MPDZ: variants seen among roughly 807,000 people sequenced by gnomAD.
The protein encoded by MPDZ is multiple PDZ domain crumbs cell polarity complex component.
In MPDZ, 234 loss-of-function variants were observed where a neutral mutation model predicts 239.1. The observed-to-expected ratio is 0.98, with a 90% CI of 0.88 to 1.09. MPDZ has a LOEUF of 1.09. Among genes scored for constraint, MPDZ ranks in the 50% least tolerant of loss-of-function variants. The pLI is 0.00. For synonymous variants in MPDZ, 1,048 were observed against 881.3 expected, an observed-to-expected ratio of 1.19 and a Z score of -3.35; for missense variants, 3,175 against 2,510.0, an observed-to-expected ratio of 1.26 and a Z score of -5.66.
intron 1 of MPDZ, among the ~76,000 whole-genome samples, chr9:13,275,490 A>C (rs939322935): frequency 2.0e-5 from 3 of 152,122 alleles, no homozygotes; most frequent in Non-Finnish European, 4.4e-5. Context: ...TCAGCCACCC[A>C]CTCTGTGTTA....
intron 3 of MPDZ, among the ~76,000 whole-genome samples, chr9:13,236,484 T>C (rs1482322738): frequency 6.6e-6 from 1 of 150,646 alleles, no homozygotes; most frequent in East Asian, 2.0e-4. Context: ...TTTCTCCATG[T>C]TGGTCAGGCT....
intron 1 of MPDZ, among the ~76,000 whole-genome samples, chr9:13,257,951 T>C (rs572722288): frequency 2.6e-5 from 4 of 152,290 alleles, no homozygotes; most frequent in African/African-American, 9.6e-5. Flanking sequence ...AATAACAACA[T>C]ATAAAATCAT....
chr9:13,278,664 G>A (rs1974809245), intron 1 of MPDZ, among the ~76,000 whole-genome samples: 1 of 152,126 alleles, frequency 6.6e-6, no homozygotes, highest in Non-Finnish European at 1.5e-5. Context: ...GGGGTGAGGA[G>A]ACTAAGGGAG....
intron 1 of MPDZ, among the ~76,000 whole-genome samples, chr9:13,263,224 G>A (rs1971077349): frequency 6.6e-6 from 1 of 152,070 alleles, no homozygotes; most frequent in South Asian, 2.1e-4. Context: ...AAAACAGAAT[G>A]ATGGATATAT....
intron 1 of MPDZ, among the ~76,000 whole-genome samples, chr9:13,278,876 C>T (rs769827891): frequency 6.6e-6 from 1 of 152,006 alleles, no homozygotes; most frequent in Non-Finnish European, 1.5e-5. Context: ...GCGGATGGGG[C>T]GTCCGGGAGC....
intron 1 of MPDZ, among the ~76,000 whole-genome samples, chr9:13,261,628 G>A (rs1476362313): frequency 6.6e-6 from 1 of 151,996 alleles, no homozygotes; most frequent in East Asian, 1.9e-4. Flanking sequence ...CAAAGGGCAG[G>A]GAAGCTCCTA....
rs545133120 is a variant in MPDZ at position 13,224,507 on chromosome 9, G to C, written c.260C>G (p.Thr87Ser). ...VPHLSPAVIP[T>S]LQNESFLLSP... ...TAATAAAAACGATTCATTTTGCAGA[G>C]TAGGAATCACAGCTGGGCTGAGATG... Residue 87 changes from threonine (T) to serine (S), a missense_variant, in exon 4 of 47, where the codon ACT becomes AGT. Transcript: ENST00000319217. 2.5e-6 allele frequency: 4 copies of C among 1,612,812 alleles called. No homozygotes were observed. The Admixed American group carries it at 5.0e-5, about 20-fold the overall frequency.
At chr9:13,157,370 C>T (rs1000416680) in intron 24 of MPDZ, among the ~76,000 whole-genome samples, 2 of 152,148 alleles carry the variant, frequency 1.3e-5, no homozygotes, top group African/African-American at 4.8e-5. Context: ...GGATTTGCAT[C>T]TTCTATTTAT....
intron 29 of MPDZ, among the ~76,000 whole-genome samples, 181 bp downstream of exon 29, chr9:13,137,776 G>C (rs1947043141): frequency 6.6e-6 from 1 of 152,166 alleles, no homozygotes; most frequent in Non-Finnish European, 1.5e-5. Context: ...AAGTTAATGG[G>C]AACATGGACT....
chr9:13,274,543 C>G (rs544485791), intron 1 of MPDZ: 1 of 151,414 alleles, frequency 6.6e-6, no homozygotes, highest in African/African-American at 2.4e-5. Context: ...TTATTTTTAA[C>G]TTAGCTGGCC....
intron 26 of MPDZ, among the ~76,000 whole-genome samples, chr9:13,145,479 G>A (rs1271538591): frequency 6.6e-6 from 1 of 151,928 alleles, no homozygotes; most frequent in Non-Finnish European, 1.5e-5. Context: ...AGATTTCCTA[G>A]GAGCTTTATC....
chr9:13,219,446 T>A, intron 8 of MPDZ, 113 bp downstream of exon 8: 5 of 891,756 alleles, frequency 5.6e-6, no homozygotes, highest in Non-Finnish European at 8.5e-6. Context: ...TTTCATTCCA[T>A]TCTTTAGCAC....
At chr9:13,235,648 T>C (rs1343410810) in intron 3 of MPDZ, among the ~76,000 whole-genome samples, 1 of 152,200 alleles carries the variant, frequency 6.6e-6, no homozygotes, top group East Asian at 1.9e-4. Context: ...TGCTGATAAA[T>C]TTAAAAGATA....
rs773128218 is a variant in MPDZ, at chr9:13,188,963, T to A, written c.2185A>T (p.Ile729Leu). Reference sequence around the variant, plus strand: ...CCGCCAGGCACCAAAGAACGAATTATAATCACAGTGCTTGCTGGATCAATT... The same window carrying A: ...CCGCCAGGCACCAAAGAACGAATTAAAATCACAGTGCTTGCTGGATCAATT... ...DPIDPASTVI[I>L]IRSLVPGGIA... Residue 729 changes from isoleucine to leucine, a missense_variant, in exon 17 of 47, where the codon ATA becomes TTA. Ile to Leu is a conservative substitution (Grantham distance 5). Transcript: ENST00000319217. The A allele has an allele frequency of 6.2e-7, 1 of 1,613,178 alleles. No homozygotes were observed. The highest frequency in any genetic ancestry group is 8.5e-7 in the Non-Finnish European group (1 of 1,179,484).
At position 13,136,603 on chromosome 9, in the gene MPDZ, G is replaced by A. The variant is rs570012654; in HGVS notation, c.4292+109C>T. On this transcript the variant is annotated intron_variant, in intron 30 of 46. Coordinates refer to ENST00000319217, the MANE Select transcript of MPDZ (RefSeq NM_001378778.1). ...AGCCTCCCAAAGTGCTGGGATTACAGGCATGAGCCAGCATGCCCGGCTACA... is the reference window on the plus strand; with the variant it reads ...AGCCTCCCAAAGTGCTGGGATTACAAGCATGAGCCAGCATGCCCGGCTACA... 14 of 757,588 alleles carry A rather than the reference G, an allele frequency of 1.8e-5. No individual in the cohort carries two copies. In the South Asian group the frequency reaches 2.1e-4, roughly 11 times the overall value. 46.9% of individuals were successfully genotyped at this position (757,588 alleles called of 1,614,324 possible).
intron 34 of MPDZ, among the ~76,000 whole-genome samples, chr9:13,125,996 C>T (rs533580379): frequency 2.3e-4 from 35 of 152,176 alleles, no homozygotes; most frequent in African/African-American, 8.4e-4. Flanking sequence ...AAAAAGCATA[C>T]CATATTTCAA....
chr9:13,195,885 T>A (rs1955573253), intron 13 of MPDZ, among the ~76,000 whole-genome samples: 1 of 152,220 alleles, frequency 6.6e-6, no homozygotes, highest in Non-Finnish European at 1.5e-5. Flanking sequence ...AATATTAAAA[T>A]ACTGATAAAA....
At chr9:13,230,375 T>A (rs1328602659) in intron 3 of MPDZ, among the ~76,000 whole-genome samples, 2 of 152,056 alleles carry the variant, frequency 1.3e-5, no homozygotes, top group Admixed American at 1.3e-4. Context: ...AGCTTATATA[T>A]AATAGTGAAA....
intron 3 of MPDZ, among the ~76,000 whole-genome samples, chr9:13,225,374 A>T (rs750020934): frequency 1.1e-4 from 17 of 151,900 alleles, no homozygotes; most frequent in Non-Finnish European, 2.1e-4. Context: ...CAGAAAACTC[A>T]TTGTTACCAA....
Sources: gnomAD v4.1 joint callset for allele counts (sites outside exome capture counted in the v4.1 genomes callset) on GRCh38, gnomAD v4.1.1 for gene constraint, MANE v1.5 for transcripts, NCBI Gene and HGNC (gene_info 2026-07-23, HGNC 2026-07-21) for gene names.